Variants in HS1BP3 observed in about 807,000 individuals in gnomAD.
The protein encoded by HS1BP3 is HCLS1-binding protein 3.
HS1BP3 carries 32 observed loss-of-function variants against 33.5 expected under a neutral mutation model. The observed-to-expected ratio is 0.95, with a 90% CI of 0.72 to 1.28. HS1BP3 has a LOEUF of 1.28. Ranked by LOEUF, HS1BP3 falls within the 50% of genes most tolerant of loss-of-function variation. The pLI is 0.00. For synonymous variants in HS1BP3, 187 were observed against 209.2 expected, an observed-to-expected ratio of 0.89 and a Z score of 0.92; for missense variants, 486 against 502.3, an observed-to-expected ratio of 0.97 and a Z score of 0.31.
chr2:20,611,644 G>T lies in HS1BP3; in HGVS notation c.178+12252C>A, dbSNP rs77007633. Among the ~76,000 whole-genome samples, 1,041 of 152,214 alleles carry T rather than the reference G, an allele frequency of 6.8e-3. 17 individuals are homozygous for T. Among genetic ancestry groups the T allele is most frequent in the African/African-American group, 0.024 (987 of 41,538 alleles). On this transcript the variant is annotated intron_variant, in intron 2 of 3. Coordinates refer to the HS1BP3 transcript ENST00000415264. This position sits in a 1 kb window ranked among gnomAD's most constrained non-coding sequence, Gnocchi z 4.9. Reference sequence around the variant, plus strand: ...AGTTCGTTCCATCTACCCTCCCTTTGGTAGACCTCCATGACCCACCTGGAT... The same window carrying T: ...AGTTCGTTCCATCTACCCTCCCTTTTGTAGACCTCCATGACCCACCTGGAT...
intron 5 of HS1BP3, among the ~76,000 whole-genome samples, chr2:20,566,774 T>G (rs531093448): frequency 1.3e-5 from 2 of 151,790 alleles, no homozygotes; most frequent in African/African-American, 4.8e-5. Context: ...GCCCAGCTAA[T>G]TTTTGTATTT....
Position 20,578,074 on chromosome 2 carries a change from G to A in HS1BP3, c.303-17559C>T, listed in dbSNP as rs368209737. On this transcript the variant is annotated intron_variant, in intron 5 of 5. Coordinates refer to the HS1BP3 transcript ENST00000446825. ...CCAGCCGGCTGGGGACCTCTGGCAT[G>A]GAACACTCCAAGCTGCATCATGTCC... Among the ~76,000 whole-genome samples the A allele has an allele frequency of 1.4e-4, 22 of 152,314 alleles. No homozygotes were observed. The East Asian group carries it at 3.3e-3, about 23-fold the overall frequency.
At chr2:20,599,618 A>ACT (rs1162006494) in intron 2 of HS1BP3, among the ~76,000 whole-genome samples, 1 of 143,512 alleles carries the variant, frequency 7.0e-6, no homozygotes, top group Non-Finnish European at 1.5e-5. Context: ...TAACACACAC[A>ACT]CACACACACA....
chr2:20,579,346 G>C (rs144863174), intron 5 of HS1BP3, among the ~76,000 whole-genome samples: 4,040 of 152,358 alleles, frequency 0.027, 54 homozygotes, highest in Non-Finnish European at 0.031. Flanking sequence ...CTGTTAGTGG[G>C]CCGTGAGCCT....
At chr2:20,622,159 C>T (rs796569568) in intron 6 of HS1BP3, 41 of 1,271,514 alleles carry the variant, frequency 3.2e-5, no homozygotes, top group African/African-American at 2.2e-4. Context: ...ACAGAATGAA[C>T]GAAGGGGTGA....
In HS1BP3 at chr2:20,627,325, G is replaced by T. The variant is rs189499959; in HGVS notation, c.624-2433C>A. ...AAGCAGGCCCTCCCTGGCTCCTGGG[G>T]ATTGAACTTGCATGTAACCAGCCAC... On this transcript the variant is annotated intron_variant, in intron 4 of 6. Transcript: ENST00000304031. Among the ~76,000 whole-genome samples the T allele has an allele frequency of 7.2e-5, 11 of 152,360 alleles. No homozygotes were observed. The East Asian group carries it at 1.9e-3, about 27-fold the overall frequency.
At chr2:20,637,028 G>GCC (rs1553322958) in intron 4 of HS1BP3, 1 of 23,976 alleles carries the variant, frequency 4.2e-5, no homozygotes, top group African/African-American at 1.3e-4. Flanking sequence ...GGAGGGGGCT[G>GCC]CCCCCGCCCC....
chr2:20,619,353 C>T, intron 6 of HS1BP3, 108 bp from the exon 7 acceptor site: 2 of 1,002,172 alleles, frequency 2.0e-6, no homozygotes, highest in South Asian at 1.7e-5. Flanking sequence ...CGGCAGGGAG[C>T]CCAGCCTCGG....
At chr2:20,647,783 G>A (rs1695562094) in intron 1 of HS1BP3, among the ~76,000 whole-genome samples, 1 of 152,166 alleles carries the variant, frequency 6.6e-6, no homozygotes. Context: ...TGGTGGGCAG[G>A]ATGTGCCCTA....
chr2:20,625,676 A>G (rs73916923), intron 4 of HS1BP3, among the ~76,000 whole-genome samples: 2,360 of 152,270 alleles, frequency 0.015, 43 homozygotes, highest in African/African-American at 0.047. Flanking sequence ...CCCAGGTCCC[A>G]TTACAGTGCA....
chr2:20,631,419 G>A (rs1694963150), intron 4 of HS1BP3, among the ~76,000 whole-genome samples: 1 of 150,654 alleles, frequency 6.6e-6, no homozygotes, highest in Middle Eastern at 3.2e-3. Flanking sequence ...AGAGGCTGAG[G>A]TGGGAGGATC....
At chr2:20,628,974 G>T (rs1355506042) in intron 4 of HS1BP3, among the ~76,000 whole-genome samples, 1 of 152,194 alleles carries the variant, frequency 6.6e-6, no homozygotes, top group Non-Finnish European at 1.5e-5. Context: ...TTTGCTCATG[G>T]TCCATAGAAG....
intron 4 of HS1BP3, among the ~76,000 whole-genome samples, chr2:20,630,780 CAG>C (rs896913468): frequency 1.3e-4 from 20 of 152,198 alleles, no homozygotes; most frequent in African/African-American, 4.8e-4. Flanking sequence ...GAAAAACGAG[CAG>C]AGTCACAAAA....
At chr2:20,634,311 A>C (rs1410350557) in intron 4 of HS1BP3, among the ~76,000 whole-genome samples, 2 of 152,186 alleles carry the variant, frequency 1.3e-5, no homozygotes, top group African/African-American at 4.8e-5. Flanking sequence ...GGAAGAACCA[A>C]CTCAAGAGCT....
chr2:20,633,024 T>C (rs762131843), intron 4 of HS1BP3, among the ~76,000 whole-genome samples: 1 of 152,260 alleles, frequency 6.6e-6, no homozygotes, highest in Non-Finnish European at 1.5e-5. Context: ...AACTTTCCTG[T>C]AGTGCTCCAT....
chr2:20,618,909 C>G lies in HS1BP3; in HGVS notation c.*78G>C, dbSNP rs2149289252. 6.6e-7 allele frequency: 1 copy of G among 1,515,728 alleles called. No individual in the cohort carries two copies. The highest frequency in any genetic ancestry group is 8.8e-7 in the Non-Finnish European group (1 of 1,132,770). The allele number at this position is 1,515,728 out of a possible 1,614,324, so 93.9% of individuals were successfully genotyped here. ...CCCTGGGGGTGGGGAGGTTCTGACC[C>G]TGCAGGGCCCAGTCCCTTCCCTTCA... On this transcript the variant is annotated 3_prime_UTR_variant, in exon 7 of 7. Transcript: ENST00000304031.
chr2:20,613,460 C>G (rs1333955267), downstream of HS1BP3, among the ~76,000 whole-genome samples: 1 of 152,228 alleles, frequency 6.6e-6, no homozygotes, highest in Non-Finnish European at 1.5e-5. Context: ...AGTGCTGGTC[C>G]AGCCAGGGAA....
chr2:20,557,045 C>A (rs545056310), downstream of HS1BP3, among the ~76,000 whole-genome samples: 12 of 147,984 alleles, frequency 8.1e-5, no homozygotes, highest in African/African-American at 2.8e-4. Context: ...TGTAATATGT[C>A]CTCAAACAAT....
intron 6 of HS1BP3, 196 bp downstream of exon 6, chr2:20,623,700 C>G (rs1371171306): frequency 7.3e-6 from 4 of 544,218 alleles, no homozygotes; most frequent in Admixed American, 3.8e-5. Flanking sequence ...GCTGAGCAGC[C>G]CTGGGCTGCG....
Sources: allele counts gnomAD v4.1 joint callset (sites outside exome capture counted in the v4.1 genomes callset), GRCh38; gene constraint gnomAD v4.1.1; non-coding constraint Gnocchi (gnomAD v3.1); transcripts MANE v1.5; gene names NCBI Gene and HGNC (gene_info 2026-07-23, HGNC 2026-07-21).